Variants in MAST4 observed in about 807,000 individuals in gnomAD.
The protein encoded by MAST4 is microtubule associated serine/threonine kinase family member 4.
MAST4 carries 89 observed loss-of-function variants against 162.7 expected under a neutral mutation model. The ratio of observed to expected loss-of-function variants is 0.55; its 90% CI spans 0.46 to 0.65. The LOEUF (loss-of-function observed/expected upper bound fraction) is 0.65, where lower values mean the gene tolerates loss of function less well. Among genes scored for constraint, MAST4 ranks in the 30% least tolerant of loss-of-function variants. MAST4 has a pLI of 0.00. For synonymous variants in MAST4, 1,479 were observed against 1,361.1 expected (o/e 1.09, Z -1.91); for missense variants, 3,153 against 3,374.0 (o/e 0.93, Z 1.62).
At chr5:66,943,004 T>G (rs1234156722) in intron 4 of MAST4, among the ~76,000 whole-genome samples, 2 of 152,058 alleles carry the variant, frequency 1.3e-5, no homozygotes, top group Non-Finnish European at 2.9e-5. Context: ...GAAAGGGGTG[T>G]GGCAGCTCTT....
At chr5:66,898,084 T>C (rs891222706) in intron 3 of MAST4, among the ~76,000 whole-genome samples, 2 of 152,216 alleles carry the variant, frequency 1.3e-5, no homozygotes, top group African/African-American at 4.8e-5. Flanking sequence ...GATCAGCTTA[T>C]TGGACAGAGC....
At chr5:66,665,663 T>TAC in intron 1 of MAST4, among the ~76,000 whole-genome samples, 1 of 152,162 alleles carries the variant, frequency 6.6e-6, no homozygotes, top group South Asian at 2.1e-4. Flanking sequence ...AACTACAGAG[T>TAC]CGTTAAGACG....
At chr5:66,719,961 G>C (rs1456835632) in intron 1 of MAST4, among the ~76,000 whole-genome samples, 1 of 152,138 alleles carries the variant, frequency 6.6e-6, no homozygotes, top group Non-Finnish European at 1.5e-5. Context: ...CTTATAGAGA[G>C]TTATGTATCA....
At chr5:67,138,249 T>C (rs1242441283) in intron 19 of MAST4, among the ~76,000 whole-genome samples, 1 of 152,228 alleles carries the variant, frequency 6.6e-6, no homozygotes, top group Non-Finnish European at 1.5e-5. Context: ...TTCTGCTGGA[T>C]GGCTTTTTAA....
intron 26 of MAST4, among the ~76,000 whole-genome samples, chr5:67,156,868 G>A (rs1178035663): frequency 6.6e-6 from 1 of 152,202 alleles, no homozygotes; most frequent in African/African-American, 2.4e-5. Flanking sequence ...TTAACTTAGA[G>A]CCAGACCCAG....
At chr5:66,758,547 G>A (rs900614976) in intron 1 of MAST4, among the ~76,000 whole-genome samples, 4 of 152,026 alleles carry the variant, frequency 2.6e-5, no homozygotes, top group African/African-American at 9.7e-5. Flanking sequence ...TTCCCAAAAT[G>A]CTAGGATTAC....
rs145641265 is a variant in MAST4, at chr5:66,750,443, C to T, written c.364-9266C>T. Among the ~76,000 whole-genome samples the T allele has an allele frequency of 6.9e-3, 1,048 of 152,254 alleles. 8 individuals are homozygous for T. Among genetic ancestry groups the T allele is most frequent in the African/African-American group, 0.023 (961 of 41,536 alleles). Reference sequence around the variant, plus strand: ...GGCGCAGGTCAGTGGGTGCGTGCACCGTGTGCGAGCCGAAGCAGGGCGAGG... The same window carrying T: ...GGCGCAGGTCAGTGGGTGCGTGCACTGTGTGCGAGCCGAAGCAGGGCGAGG... On this transcript the variant is annotated intron_variant, in intron 1 of 28. Transcript: ENST00000403625.
At chr5:66,843,065 A>G (rs936675755) in intron 3 of MAST4, among the ~76,000 whole-genome samples, 1 of 152,174 alleles carries the variant, frequency 6.6e-6, no homozygotes, top group Non-Finnish European at 1.5e-5. Context: ...ACCTTTGCCA[A>G]TGCCTTATCT....
intron 4 of MAST4, among the ~76,000 whole-genome samples, chr5:66,946,818 A>G (rs1358918121): frequency 6.6e-6 from 1 of 152,200 alleles, no homozygotes; most frequent in Non-Finnish European, 1.5e-5. Context: ...TTCAGAATGC[A>G]TTACGAGTCG....
At chr5:66,977,752 T>A (rs2150225622) in intron 4 of MAST4, among the ~76,000 whole-genome samples, 1 of 152,356 alleles carries the variant, frequency 6.6e-6, no homozygotes, top group African/African-American at 2.4e-5. Flanking sequence ...CAATGAAATG[T>A]CATTTGATTC....
chr5:67,103,506 TTAG>T (rs1765261913), intron 9 of MAST4, among the ~76,000 whole-genome samples: 1 of 152,098 alleles, frequency 6.6e-6, no homozygotes, highest in African/African-American at 2.4e-5. Flanking sequence ...GGTTAGGATA[TTAG>T]AGGGGAGGAG....
At position 66,636,173 on chromosome 5, in the gene MAST4, G is replaced by A. The variant is rs191628333; in HGVS notation, c.363+39155G>A. Among the ~76,000 whole-genome samples, 745 of 152,008 alleles carry A rather than the reference G, an allele frequency of 4.9e-3. 2 individuals are homozygous for A. Among genetic ancestry groups the A allele is most frequent in the Admixed American group, 9.8e-3 (149 of 15,264 alleles). On this transcript the variant is annotated intron_variant, in intron 1 of 28. Transcript: ENST00000403625. ...GGGTTTCACCGTGTTAGCCAGGATG[G>A]TCTTGGTCTCTTGACCTTGTGATCT...
intron 4 of MAST4, among the ~76,000 whole-genome samples, chr5:66,991,532 G>A (rs1750067856): frequency 6.6e-6 from 1 of 152,118 alleles, no homozygotes; most frequent in Non-Finnish European, 1.5e-5. Context: ...TCACTCCCCA[G>A]TAAAGCTGAA....
Position 67,054,441 on chromosome 5 carries a change from G to T in MAST4, c.712G>T (p.Gly238Trp). ...CAACCGGAAAAGCTTAATAGGCAAT[G>T]GGCAGTCACCAGCATTGCCTCGACC... is the stretch of plus-strand genomic sequence containing the variant. ...TSNRKSLIGN[G>W]QSPALPRPHS... The change falls in exon 5 of 29, where the codon GGG becomes TGG. Residue 238 changes from glycine to tryptophan, a missense_variant. Around this residue, in one of 7 missense-constraint regions of MAST4, gnomAD observed 360 missense variants for 450.0 expected, o/e 0.80. Transcript: ENST00000403625. The T allele has an allele frequency of 6.2e-7, 1 of 1,610,996 alleles. No individual in the cohort carries two copies. The highest frequency in any genetic ancestry group is 8.5e-7 in the Non-Finnish European group (1 of 1,178,612).
chr5:67,105,087 A>G (rs1765448667), intron 10 of MAST4, among the ~76,000 whole-genome samples: 1 of 152,250 alleles, frequency 6.6e-6, no homozygotes, highest in Non-Finnish European at 1.5e-5. Flanking sequence ...CCAAAATGAC[A>G]GATAAACACA....
At chr5:67,148,604 C>T (rs996019629) in intron 23 of MAST4, among the ~76,000 whole-genome samples, 1 of 151,908 alleles carries the variant, frequency 6.6e-6, no homozygotes, top group Admixed American at 6.6e-5. Flanking sequence ...TAAAGATTAA[C>T]AAAATTAAAA....
intron 4 of MAST4, among the ~76,000 whole-genome samples, chr5:66,978,209 C>A (rs756866043): frequency 6.6e-6 from 1 of 152,178 alleles, no homozygotes; most frequent in Non-Finnish European, 1.5e-5. Flanking sequence ...GTAAAATGCA[C>A]TCCTCTATTC....
At chr5:66,890,632 G>A (rs1327634810) in intron 3 of MAST4, among the ~76,000 whole-genome samples, 1 of 152,232 alleles carries the variant, frequency 6.6e-6, no homozygotes, top group Non-Finnish European at 1.5e-5. Flanking sequence ...CAAGATCTGT[G>A]TTGTGTCTCT....
At chr5:66,763,561 G>A (rs1359848077) in intron 2 of MAST4, among the ~76,000 whole-genome samples, 1 of 151,932 alleles carries the variant, frequency 6.6e-6, no homozygotes, top group Non-Finnish European at 1.5e-5. Context: ...ATTATGGTAC[G>A]CACATAAAAT....
Sources: gnomAD v4.1 joint callset for allele counts (sites outside exome capture counted in the v4.1 genomes callset) on GRCh38, gnomAD v4.1.1 for gene constraint, gnomAD v4.1.1 regional missense constraint, MANE v1.5 for transcripts, NCBI Gene and HGNC (gene_info 2026-07-23, HGNC 2026-07-21) for gene names.